The following EXTL3 variants were observed in gnomAD, a reference collection of about 807,000 sequenced individuals.
EXTL3 encodes exostosin like glycosyltransferase 3.
A neutral mutation model predicts 69.3 loss-of-function variants in EXTL3; 27 were observed. The ratio of observed to expected loss-of-function variants is 0.39; its 90% CI spans 0.29 to 0.54. The LOEUF (loss-of-function observed/expected upper bound fraction) is 0.54, where lower values mean the gene tolerates loss of function less well. Ranked by LOEUF, EXTL3 falls within the 20% of genes least tolerant of loss-of-function variation. The pLI, the probability that EXTL3 is intolerant of heterozygous loss-of-function variation, is 0.69. For synonymous variants in EXTL3, 511 were observed against 499.4 expected (o/e 1.02, Z -0.31); for missense variants, 1,003 against 1,231.8 (o/e 0.81, Z 2.78).
chr8:28,735,289 CGTG>C (rs1563221855), intron 4 of EXTL3, among the ~76,000 whole-genome samples: 1 of 152,072 alleles, frequency 6.6e-6, no homozygotes, highest in Non-Finnish European at 1.5e-5. Context: ...TGAGCATAGT[CGTG>C]GAGTGTTAAC....
chr8:28,722,564 C>T (rs1801315567), intron 3 of EXTL3, among the ~76,000 whole-genome samples: 1 of 151,830 alleles, frequency 6.6e-6, no homozygotes, highest in Admixed American at 6.6e-5. Flanking sequence ...CTGCTTGAGC[C>T]TAGGGGTTTG....
chr8:28,716,000 G>A lies in EXTL3; in HGVS notation c.-60G>A, dbSNP rs184642432. The A allele has an allele frequency of 7.2e-6, 10 of 1,397,674 alleles. No individual in the cohort carries two copies. Among genetic ancestry groups the A allele is most frequent in the Non-Finnish European group, 9.9e-7 (1 of 1,011,472 alleles). 86.6% of individuals were successfully genotyped at this position (1,397,674 alleles called of 1,614,324 possible). A position where few individuals can be genotyped will look rare whatever the true frequency, so the allele number is the denominator to read the frequency against. ...GAAACAGAGATCGTTTTGTGGAATA[G>A]CAACCCATGGTTATGGCGAGTGACC... On this transcript the variant is annotated 5_prime_UTR_variant, in exon 3 of 7. Transcript: ENST00000220562.
At chr8:28,743,582 T>G (rs575883971) in intron 6 of EXTL3, among the ~76,000 whole-genome samples, 1 of 152,386 alleles carries the variant, frequency 6.6e-6, no homozygotes, top group South Asian at 2.1e-4. Context: ...TATCTTCATA[T>G]CACAATACCT....
chr8:28,668,150 G>A (rs1449032166), intron 1 of EXTL3, among the ~76,000 whole-genome samples: 1 of 151,292 alleles, frequency 6.6e-6, no homozygotes. Flanking sequence ...ACTTGTAGTG[G>A]CAGCTACTTG....
chr8:28,756,215 C>T (rs181258065), downstream of EXTL3, among the ~76,000 whole-genome samples: 3 of 152,196 alleles, frequency 2.0e-5, no homozygotes, highest in Admixed American at 2.0e-4. Context: ...TACTATCAAC[C>T]CAGAAAGTCC....
At position 28,625,557 on chromosome 8, in the gene EXTL3, G is replaced by C. The variant is rs373727081; in HGVS notation, c.-53+2747G>C. Among the ~76,000 whole-genome samples the C allele has an allele frequency of 1.0e-3, 152 of 152,296 alleles. 2 individuals carry two copies. The highest frequency in any genetic ancestry group is 3.4e-3 in the African/African-American group (140 of 41,562). On this transcript the variant is annotated intron_variant, in intron 1 of 6. Transcript: ENST00000523149. ...GGAGATAGTCACTCATACATGAACT[G>C]TCCAGGTTTCCAATAATAAAAACAT...
intron 2 of EXTL3, among the ~76,000 whole-genome samples, chr8:28,617,247 T>C (rs1806341991): frequency 6.6e-6 from 1 of 152,136 alleles, no homozygotes; most frequent in South Asian, 2.1e-4. Flanking sequence ...ATGGGGCAGC[T>C]TCCTTCCTCA....
Position 28,717,718 on chromosome 8 carries a change from C to T in EXTL3, c.1659C>T (p.Ile553=), listed in dbSNP as rs994319491. The change falls in exon 3 of 7, where the codon ATC becomes ATT. Residue 553 remains isoleucine (I), a synonymous_variant. Transcript: ENST00000220562. The surrounding 1 kb of genome is among the most constrained non-coding windows in gnomAD (Gnocchi z 8.3). ...TCCGGGAAGAGGCGGCAGCTGAGATCCCCCACCGTTCAGGCAAGGCGGCTG... is the reference window on the plus strand; with the variant it reads ...TCCGGGAAGAGGCGGCAGCTGAGATTCCCCACCGTTCAGGCAAGGCGGCTG... ...APIREEAAAE[I]PHRSGKAAGT... 8 of 1,614,130 alleles carry T rather than the reference C, an allele frequency of 5.0e-6. No homozygotes were observed. In the Admixed American group the frequency reaches 6.7e-5, roughly 13 times the overall value.
intron 1 of EXTL3, among the ~76,000 whole-genome samples, chr8:28,638,098 C>A (rs987017932): frequency 6.6e-6 from 1 of 152,160 alleles, no homozygotes; most frequent in Non-Finnish European, 1.5e-5. Flanking sequence ...TGTTCTTGGT[C>A]TTATCTTCCT....
chr8:28,662,455 A>G (rs967586812), intron 1 of EXTL3, among the ~76,000 whole-genome samples: 5 of 152,228 alleles, frequency 3.3e-5, no homozygotes, highest in African/African-American at 1.2e-4. Flanking sequence ...TGTATTTCCA[A>G]TGAATAAGTC....
chr8:28,662,662 C>A (rs924877164), intron 1 of EXTL3, among the ~76,000 whole-genome samples: 2 of 152,090 alleles, frequency 1.3e-5, no homozygotes, highest in Non-Finnish European at 2.9e-5. Flanking sequence ...GTCTGTAATC[C>A]CAGCACTTTG....
intron 1 of EXTL3, among the ~76,000 whole-genome samples, chr8:28,683,211 A>C (rs927554475): frequency 3.4e-4 from 51 of 152,196 alleles, no homozygotes; most frequent in Admixed American, 2.9e-3. Flanking sequence ...TTTTCATTCA[A>C]GATTGTTTTG....
chr8:28,662,738 A>C (rs907265772), intron 1 of EXTL3, among the ~76,000 whole-genome samples: 1 of 85,362 alleles, frequency 1.2e-5, no homozygotes, highest in African/African-American at 7.2e-5. Flanking sequence ...ACATGGTGAA[A>C]TCCTGTCTCT....
intron 1 of EXTL3, among the ~76,000 whole-genome samples, chr8:28,671,485 G>A (rs240917): frequency 0.14 from 21,355 of 151,338 alleles, 2,224 homozygotes; most frequent in African/African-American, 0.29. Context: ...GATTACAGGT[G>A]TGTGCCACCA....
chr8:28,710,609 C>CTTTTT, intron 1 of EXTL3: 1 of 272,058 alleles, frequency 3.7e-6, no homozygotes, highest in Non-Finnish European at 7.0e-6. Context: ...AGTTTTCTTT[C>CTTTTT]TTTCTTTTTT....
intron 1 of EXTL3, among the ~76,000 whole-genome samples, chr8:28,628,676 C>G (rs1379693795): frequency 6.6e-6 from 1 of 152,128 alleles, no homozygotes; most frequent in Non-Finnish European, 1.5e-5. Flanking sequence ...TTTTTTGAGA[C>G]AGAGTCTCAC....
intron 2 of EXTL3, among the ~76,000 whole-genome samples, chr8:28,609,490 G>A (rs1421083670): frequency 2.0e-5 from 3 of 151,802 alleles, no homozygotes; most frequent in Non-Finnish European, 4.4e-5. Context: ...GTAACTGAGT[G>A]GATTATGTTG....
chr8:28,620,568 C>G (rs1266101267), upstream of EXTL3, among the ~76,000 whole-genome samples: 1 of 152,158 alleles, frequency 6.6e-6, no homozygotes, highest in African/African-American at 2.4e-5. Flanking sequence ...CATTACATAC[C>G]CCATGTAGGC....
At chr8:28,665,431 T>A (rs1807181403) in intron 1 of EXTL3, among the ~76,000 whole-genome samples, 1 of 148,928 alleles carries the variant, frequency 6.7e-6, no homozygotes, top group African/African-American at 2.5e-5. Flanking sequence ...TTTTTTTTTT[T>A]TTTTTTGAGA....
Sources: gnomAD v4.1 joint callset for allele counts (sites outside exome capture counted in the v4.1 genomes callset) on GRCh38, gnomAD v4.1.1 for gene constraint, Gnocchi (gnomAD v3.1) non-coding constraint, MANE v1.5 for transcripts, NCBI Gene and HGNC (gene_info 2026-07-23, HGNC 2026-07-21) for gene names.